Variants in SCYL1 observed in about 807,000 individuals in gnomAD.
SCYL1 encodes SCY1 like pseudokinase 1.
SCYL1 carries 85 observed loss-of-function variants against 94.8 expected under a neutral mutation model. The observed-to-expected ratio is 0.90, with a 90% confidence interval of 0.75 to 1.07. The LOEUF is 1.07. Ranked by LOEUF, SCYL1 falls within the 50% of genes least tolerant of loss-of-function variation. The pLI is 0.00. For missense variants in SCYL1, 968 were observed against 1,083.3 expected, an observed-to-expected ratio of 0.89 and a Z score of 1.49; for synonymous variants, 459 against 435.5, an observed-to-expected ratio of 1.05 and a Z score of -0.67.
At chr11:65,537,690 G>C (rs557811107) in intron 14 of SCYL1, 119 bp from the exon 15 acceptor site, 1 of 825,730 alleles carries the variant, frequency 1.2e-6, no homozygotes, top group Middle Eastern at 3.6e-4. Flanking sequence ...AGGGCCTGAG[G>C]AGCAAATGAG....
Position 65,538,132 on chromosome 11 carries a change from A to G in SCYL1, c.2197A>G (p.Ser733Gly). The G allele has an allele frequency of 1.9e-6, 3 of 1,602,712 alleles. No individual in the cohort carries two copies. Among genetic ancestry groups the G allele is most frequent in the Non-Finnish European group, 2.6e-6 (3 of 1,175,076 alleles). The change falls in exon 16 of 18, where the codon AGC becomes GGC. Residue 733 changes from serine to glycine, a missense_variant. Ser to Gly is a moderately conservative substitution (Grantham distance 56, BLOSUM62 0). This residue lies in a region of SCYL1 where 474 missense variants were observed against 463.6 expected (regional missense o/e 1.02). Transcript: ENST00000270176. ...SEYNWGGPES[S>G]DKGDPFATLS... ...GTATAACTGGGGTGGCCCAGAGTCC[A>G]GCGACAAGGGCGACCCCTTCGCTAC...
chr11:65,535,270 A>G lies in SCYL1; in HGVS notation c.1274A>G (p.Asn425Ser), dbSNP rs957135838. 2.0e-5 allele frequency: 32 copies of G among 1,614,122 alleles called. No homozygotes were observed. Among genetic ancestry groups the G allele is most frequent in the Middle Eastern group, 1.6e-4 (1 of 6,082 alleles). The part of the protein sequence containing the change: ...LAPKLNEANL[N>S]VELMKHFARL... ...CCAAAGCTGAACGAGGCCAACCTCA[A>G]TGTGGAGCTGATGAAGCACTTTGCA... is the stretch of plus-strand genomic sequence containing the variant. Residue 425 changes from asparagine to serine, a missense_variant, in exon 10 of 18, where the codon AAT (asparagine) becomes AGT (serine). By Grantham distance (46) the Asn-to-Ser change is conservative (BLOSUM62 1). This residue lies in a region of SCYL1 where 494 missense variants were observed against 619.7 expected (regional missense o/e 0.80). Transcript: ENST00000270176.
intron 14 of SCYL1, 83 bp from the exon 15 acceptor site, chr11:65,537,726 G>T: frequency 1.6e-6 from 2 of 1,216,200 alleles, no homozygotes; most frequent in East Asian, 2.6e-5. Context: ...CAGTGGTGGG[G>T]CCCGTGGCTG....
intron 9 of SCYL1, among the ~76,000 whole-genome samples, chr11:65,534,921 C>T (rs4271387): frequency 2.0e-5 from 3 of 152,038 alleles, no homozygotes; most frequent in Non-Finnish European, 4.4e-5. Flanking sequence ...CATCAGTGAC[C>T]TCACCCTGAG....
Position 65,536,264 on chromosome 11 carries a change from C to G in SCYL1, c.1581C>G (p.Phe527Leu). Reference sequence around the variant, plus strand: ...TCTGCCTCGTTACCCCACAGGCCTTCAAGGCCATTCGGAGCTTCCTGTCCA... The same window carrying G: ...TCTGCCTCGTTACCCCACAGGCCTTGAAGGCCATTCGGAGCTTCCTGTCCA... Reference protein sequence around the residue: ...DPEKSVRDQAFKAIRSFLSKL... With the variant: ...DPEKSVRDQALKAIRSFLSKL... Residue 527 changes from phenylalanine to leucine, a missense_variant, in exon 12 of 18, where the codon TTC becomes TTG. Coordinates refer to ENST00000270176, the MANE Select transcript of SCYL1 (RefSeq NM_020680.4). 1.2e-6 allele frequency: 2 copies of G among 1,614,072 alleles called. No individual in the cohort carries two copies. The highest frequency in any genetic ancestry group is 1.1e-5 in the South Asian group (1 of 91,080).
In SCYL1 at chr11:65,525,772, C is replaced by G. The variant is rs1855043503; in HGVS notation, c.252+58C>G. On this transcript the variant is annotated intron_variant, in intron 2 of 17. Transcript: ENST00000270176. ...CTCACGATGTCCTGGTTACCCACTC[C>G]TGTCTCCCCTCCTGCCCTGTTTCCA... is the stretch of plus-strand genomic sequence containing the variant. 5 of 1,602,044 alleles carry G rather than the reference C, an allele frequency of 3.1e-6. No individual in the cohort carries two copies. In the Admixed American group the frequency reaches 6.7e-5, roughly 22 times the overall value.
chr11:65,528,458 A>C (rs907023889), intron 6 of SCYL1, among the ~76,000 whole-genome samples: 23 of 141,790 alleles, frequency 1.6e-4, no homozygotes, highest in African/African-American at 5.8e-4. Flanking sequence ...AAACAAAAGA[A>C]CACCATAAAT....
chr11:65,525,091 C>G lies in SCYL1; in HGVS notation c.-63C>G. 1.7e-6 allele frequency: 2 copies of G among 1,164,608 alleles called. No individual in the cohort carries two copies. The highest frequency in any genetic ancestry group is 2.2e-6 in the Non-Finnish European group (2 of 904,002). The allele number at this position is 1,164,608 out of a possible 1,614,324, so 72.1% of individuals were successfully genotyped here. Reference sequence around the variant, plus strand: ...GGCCCCGCCCCCTCTCCGCCCCGCCCCGGCTCGGGCGGCCGGAGGACCCGG... The same window carrying G: ...GGCCCCGCCCCCTCTCCGCCCCGCCGCGGCTCGGGCGGCCGGAGGACCCGG... On this transcript the variant is annotated 5_prime_UTR_variant, in exon 1 of 18. Coordinates refer to ENST00000270176, the MANE Select transcript of SCYL1 (RefSeq NM_020680.4).
Position 65,538,510 on chromosome 11 carries a change from G to A in SCYL1, c.2371G>A (p.Ala791Thr), listed in dbSNP as rs757610725. ...ERRREMEAKR[A>T]ERKVAKGPMK... is the part of the protein sequence containing the mutation. ...GCGGCGGGAGATGGAGGCCAAACGC[G>A]CCGAGAGGAAGGTGGCCAAGGGCCC... Residue 791 changes from alanine (A) to threonine (T), a missense_variant, in exon 18 of 18, where the codon GCC becomes ACC. Ala to Thr is a moderately conservative substitution (Grantham distance 58, BLOSUM62 0). Coordinates refer to ENST00000270176, the MANE Select transcript of SCYL1 (RefSeq NM_020680.4). 31 of 1,608,076 alleles carry A rather than the reference G, an allele frequency of 1.9e-5. No individual in the cohort carries two copies. The East Asian group carries it at 2.9e-4, about 15-fold the overall frequency.
At position 65,531,654 on chromosome 11, in the gene SCYL1, C is replaced by A. The variant is rs371744623; in HGVS notation, c.1087C>A (p.Arg363=). 1.2e-6 allele frequency: 2 copies of A among 1,613,760 alleles called. No homozygotes were observed. Among genetic ancestry groups the A allele is most frequent in the Admixed American group, 1.7e-5 (1 of 60,004 alleles). Reference sequence around the variant, plus strand: ...GGTCAAGATGTTCTCATCCACTGACCGGGCCATGCGCATCCGCCTCCTGCA... The same window carrying A: ...GGTCAAGATGTTCTCATCCACTGACAGGGCCATGCGCATCCGCCTCCTGCA... ...VVVKMFSSTD[R]AMRIRLLQQM... Residue 363 remains arginine (R), a synonymous_variant, in exon 8 of 18, where the codon CGG becomes AGG. Coordinates refer to ENST00000270176, the MANE Select transcript of SCYL1 (RefSeq NM_020680.4).
intron 6 of SCYL1, among the ~76,000 whole-genome samples, chr11:65,527,969 A>G (rs565760843): frequency 6.6e-6 from 1 of 152,280 alleles, no homozygotes; most frequent in South Asian, 2.1e-4. Flanking sequence ...CCACGTGTAC[A>G]TTCTGGCTCT....
rs1377701238 is a variant in SCYL1, at chr11:65,538,632, A to C, written c.*66A>C. The C allele has an allele frequency of 1.3e-6, 2 of 1,535,058 alleles. No homozygotes were observed. The highest frequency in any genetic ancestry group is 2.7e-5 in the African/African-American group (2 of 73,232). On this transcript the variant is annotated 3_prime_UTR_variant, in exon 18 of 18. Coordinates refer to ENST00000270176, the MANE Select transcript of SCYL1 (RefSeq NM_020680.4). ...CACAGATGTATTTATTGTACAAACCATGTGAGCCCGGCCGGCCCAGCCAGG... is the reference window on the plus strand; with the variant it reads ...CACAGATGTATTTATTGTACAAACCCTGTGAGCCCGGCCGGCCCAGCCAGG...
chr11:65,525,296 C>T, intron 1 of SCYL1, 32 bp downstream of exon 1: 2 of 1,357,022 alleles, frequency 1.5e-6, no homozygotes, highest in Non-Finnish European at 1.9e-6. Flanking sequence ...AGGCCGCGGT[C>T]GACCTGGGCC....
Position 65,538,664 on chromosome 11 carries a change from C to T in SCYL1, c.*98C>T, listed in dbSNP as rs932865562. 76 of 1,365,492 alleles carry T rather than the reference C, an allele frequency of 5.6e-5. No individual in the cohort carries two copies. In the African/African-American group the frequency reaches 9.2e-4, roughly 17 times the overall value. 84.6% of individuals were successfully genotyped at this position (1,365,492 alleles called of 1,614,324 possible). On this transcript the variant is annotated 3_prime_UTR_variant, in exon 18 of 18. Coordinates refer to ENST00000270176, the MANE Select transcript of SCYL1 (RefSeq NM_020680.4). ...CCCGGCCGGCCCAGCCAGGCCATCT[C>T]ACGTGTACATAATCAGAGCCACAAT...
rs1314962419 is a variant in SCYL1 at position 65,538,056 on chromosome 11, G to A, written c.2121G>A (p.Gln707=). The stretch of plus-strand genomic sequence containing the variant: ...AGGGCTCCTGGGAACAGGGCTGGCA[G>A]GAGCCAAGCTCCCAGGAGCCACCTC... ...EAEGSWEQGW[Q]EPSSQEPPPD... is the part of the protein sequence containing the mutation. Residue 707 remains glutamine (Q), a synonymous_variant, in exon 16 of 18, where the codon CAG becomes CAA. Coordinates refer to ENST00000270176, the MANE Select transcript of SCYL1 (RefSeq NM_020680.4). 2 of 1,609,982 alleles carry A rather than the reference G, an allele frequency of 1.2e-6. No individual in the cohort carries two copies. The highest frequency in any genetic ancestry group is 1.7e-6 in the Non-Finnish European group (2 of 1,178,618).
At position 65,526,100 on chromosome 11, in the gene SCYL1, C is replaced by T. The variant is rs749237786; in HGVS notation, c.376-24C>T. ...GGATGGGGGGTTGCAGGTGCTGGGG[C>T]GTGATGGCTCCTTTTGCCCCCAGAA... On this transcript the variant is annotated intron_variant, in intron 3 of 17. Coordinates refer to ENST00000270176, the MANE Select transcript of SCYL1 (RefSeq NM_020680.4). The surrounding 1 kb of genome is among the most constrained non-coding windows in gnomAD (Gnocchi z 4.1). The T allele has an allele frequency of 5.6e-5, 90 of 1,611,728 alleles. 1 individual carries two copies. The East Asian group carries it at 1.2e-3, about 22-fold the overall frequency.
In SCYL1 at chr11:65,537,817, C is replaced by A; in HGVS notation, c.1968C>A (p.Ala656=). ...DEDWGSLEQE[A]ESVLAQQDDW... ...CCCTTCCCACACTGCAGCAGGAGGC[C>A]GAGTCTGTGCTGGCCCAGCAGGACG... Residue 656 remains alanine (A), a synonymous_variant, in exon 15 of 18, where the codon GCC becomes GCA. Coordinates refer to ENST00000270176, the MANE Select transcript of SCYL1 (RefSeq NM_020680.4). The A allele has an allele frequency of 6.4e-7, 1 of 1,563,756 alleles. No homozygotes were observed. Among genetic ancestry groups the A allele is most frequent in the East Asian group, 2.4e-5 (1 of 42,458 alleles).
intron 8 of SCYL1, among the ~76,000 whole-genome samples, chr11:65,531,909 C>T (rs1384077947): frequency 6.6e-6 from 1 of 152,212 alleles, no homozygotes; most frequent in Non-Finnish European, 1.5e-5. Flanking sequence ...TCTAATGCCC[C>T]CTCCTCTCCT....
intron 9 of SCYL1, among the ~76,000 whole-genome samples, chr11:65,533,498 G>A (rs1855489844): frequency 6.6e-6 from 1 of 152,232 alleles, no homozygotes; most frequent in South Asian, 2.1e-4. Context: ...GTGGTCAGGG[G>A]CTGGGCGCAG....
Sources: gnomAD v4.1 joint callset for allele counts (sites outside exome capture counted in the v4.1 genomes callset) on GRCh38, gnomAD v4.1.1 for gene constraint, gnomAD v4.1.1 regional missense constraint, Gnocchi (gnomAD v3.1) non-coding constraint, MANE v1.5 for transcripts, NCBI Gene and HGNC (gene_info 2026-07-23, HGNC 2026-07-21) for gene names.